The following NUBP1 variants were observed in gnomAD, a reference collection of about 807,000 sequenced individuals.
NUBP1 encodes the protein cytosolic Fe-S cluster assembly factor NUBP1.
NUBP1 carries 46 observed loss-of-function variants against 41.8 expected under a neutral mutation model. That is an observed-to-expected ratio of 1.10 (90% confidence interval 0.87 to 1.41). The LOEUF (loss-of-function observed/expected upper bound fraction) is 1.41, where lower values mean the gene tolerates loss of function less well. NUBP1 is among the 40% of genes most tolerant of loss of function. The pLI is 0.00. For missense variants in NUBP1, 494 were observed against 414.0 expected (o/e 1.19, Z -1.68); for synonymous variants, 189 against 154.6 (o/e 1.22, Z -1.65).
Position 10,749,850 on chromosome 16 carries a change from G to A in NUBP1, c.258+2574G>A, listed in dbSNP as rs1010254615. ...CTTGGATCAAGAGAGAGCAGAATTA[G>A]AAAACACCCCTGACGAGTCACAGGC... is the stretch of plus-strand genomic sequence containing the variant. On this transcript the variant is annotated intron_variant, in intron 3 of 10. Coordinates refer to ENST00000283027, the MANE Select transcript of NUBP1 (RefSeq NM_002484.4). The surrounding 1 kb of genome is among the most constrained non-coding windows in gnomAD (Gnocchi z 4.1). 6.6e-6 allele frequency among the ~76,000 whole-genome samples: 1 copy of A among 152,194 alleles called. No homozygotes were observed. The highest frequency in any genetic ancestry group is 2.4e-5 in the African/African-American group (1 of 41,440).
chr16:10,747,651 T>A (rs1381555131), intron 3 of NUBP1, among the ~76,000 whole-genome samples: 1 of 152,104 alleles, frequency 6.6e-6, no homozygotes, highest in Non-Finnish European at 1.5e-5. Context: ...AAAAAATGAT[T>A]CCTTATACTA....
At chr16:10,756,862 C>A in intron 6 of NUBP1, 82 bp downstream of exon 6, 1 of 1,072,164 alleles carries the variant, frequency 9.3e-7, no homozygotes, top group Non-Finnish European at 1.3e-6. Flanking sequence ...CCTGTCCTGC[C>A]AGTCTCAGCC....
In NUBP1 at chr16:10,755,710, T is replaced by C; in HGVS notation, c.328-11T>C. On this transcript the variant is annotated splice_polypyrimidine_tract_variant and intron_variant, in intron 4 of 10. Coordinates refer to ENST00000283027, the MANE Select transcript of NUBP1 (RefSeq NM_002484.4). ...TTCTACTAATGAACATCGGTGCTCA[T>C]GTTCACACAGGTTCACCAGAGTGGC... 6.2e-7 allele frequency: 1 copy of C among 1,614,114 alleles called. No individual in the cohort carries two copies. Among genetic ancestry groups the C allele is most frequent in the Non-Finnish European group, 8.5e-7 (1 of 1,179,934 alleles).
rs201743675 is a variant in NUBP1, at chr16:10,758,036, G to A, written c.606+9G>A. 2.5e-6 allele frequency: 4 copies of A among 1,610,830 alleles called. No homozygotes were observed. Among genetic ancestry groups the A allele is most frequent in the Non-Finnish European group, 3.4e-6 (4 of 1,177,606 alleles). ...TCATCACCACTCCCCAGGTGAGCGA[G>A]CTGCCAGCTGGAGCTGGGTCCAAAC... On this transcript the variant is annotated intron_variant, in intron 7 of 10. Transcript: ENST00000283027.
At chr16:10,747,611 G>T (rs1156494750) in intron 3 of NUBP1, among the ~76,000 whole-genome samples, 1 of 152,200 alleles carries the variant, frequency 6.6e-6, no homozygotes, top group Non-Finnish European at 1.5e-5. Flanking sequence ...CTCCAGCCTG[G>T]GTGGCAGAAT....
intron 2 of NUBP1, among the ~76,000 whole-genome samples, chr16:10,745,692 G>T (rs551314481): frequency 6.6e-6 from 1 of 152,338 alleles, no homozygotes; most frequent in Non-Finnish European, 1.5e-5. Flanking sequence ...CTCGTGGCAG[G>T]TAGTTACATT....
chr16:10,747,652 C>T (rs1900122405), intron 3 of NUBP1, among the ~76,000 whole-genome samples: 1 of 152,144 alleles, frequency 6.6e-6, no homozygotes, highest in Admixed American at 6.6e-5. Flanking sequence ...AAAAATGATT[C>T]CTTATACTAA....
chr16:10,757,226 AG>A lies in NUBP1; in HGVS notation c.451+448del, dbSNP rs1434520174. On this transcript the variant is annotated intron_variant, in intron 6 of 10. Coordinates refer to ENST00000283027, the MANE Select transcript of NUBP1 (RefSeq NM_002484.4). This position sits in a 1 kb window ranked among gnomAD's most constrained non-coding sequence, Gnocchi z 4.1. ...TGAGGCAGGAGAACCCAGGAGGCGGAGGTTGCAGTGAGCCAAGATCATGCCA... is the reference window on the plus strand; with the variant it reads ...TGAGGCAGGAGAACCCAGGAGGCGGAGTTGCAGTGAGCCAAGATCATGCCA... Among the ~76,000 whole-genome samples, 1 of 152,086 alleles carries A rather than the reference AG, an allele frequency of 6.6e-6. No homozygotes were observed. The highest frequency in any genetic ancestry group is 2.4e-5 in the African/African-American group (1 of 41,408).
At chr16:10,750,453 G>A (rs1345934737) in intron 3 of NUBP1, among the ~76,000 whole-genome samples, 1 of 152,122 alleles carries the variant, frequency 6.6e-6, no homozygotes, top group Non-Finnish European at 1.5e-5. Context: ...TGTTTGCCAG[G>A]CTAGTCTCGA....
rs1900243631 is a variant in NUBP1, at chr16:10,749,981, T to G, written c.259-2629T>G. Among the ~76,000 whole-genome samples the G allele has an allele frequency of 6.6e-6, 1 of 152,252 alleles. No homozygotes were observed. Among genetic ancestry groups the G allele is most frequent in the East Asian group, 1.9e-4 (1 of 5,174 alleles). On this transcript the variant is annotated intron_variant, in intron 3 of 10. Coordinates refer to ENST00000283027, the MANE Select transcript of NUBP1 (RefSeq NM_002484.4). The surrounding 1 kb of genome is among the most constrained non-coding windows in gnomAD (Gnocchi z 4.1). ...CATACACTGTCTTCCACTGCAAAAG[T>G]CACCGACTCCCAGCCTGGGCTTCAA...
Position 10,757,341 on chromosome 16 carries a change from T to C in NUBP1, c.452-532T>C, listed in dbSNP as rs1187416239. ...AATTATTTTTATCATGGTTTTATAG[T>C]GGCTTATTTGGGTCAGAGAGGTGAG... is the stretch of plus-strand genomic sequence containing the variant. On this transcript the variant is annotated intron_variant, in intron 6 of 10. Coordinates refer to ENST00000283027, the MANE Select transcript of NUBP1 (RefSeq NM_002484.4). The surrounding 1 kb of genome is among the most constrained non-coding windows in gnomAD (Gnocchi z 4.1). 2.0e-5 allele frequency among the ~76,000 whole-genome samples: 3 copies of C among 152,158 alleles called. No homozygotes were observed. The highest frequency in any genetic ancestry group is 4.4e-5 in the Non-Finnish European group (3 of 68,020).
intron 4 of NUBP1, 115 bp from the exon 5 acceptor site, chr16:10,755,606 C>G (rs1377168682): frequency 2.3e-5 from 26 of 1,114,118 alleles, no homozygotes; most frequent in Non-Finnish European, 4.0e-6. Flanking sequence ...CCATGTAAGA[C>G]AATGAATTAT....
At position 10,744,081 on chromosome 16, in the gene NUBP1, G is replaced by T. The variant is rs566033008; in HGVS notation, c.124+16G>T. The T allele has an allele frequency of 6.4e-7, 1 of 1,554,438 alleles. No homozygotes were observed. The highest frequency in any genetic ancestry group is 8.6e-7 in the Non-Finnish European group (1 of 1,157,188). The stretch of plus-strand genomic sequence containing the variant: ...CCGGACACGGGTGAGAAAAGGGCAA[G>T]GCCTCAACAGGAACTTAGAGGCGCA... On this transcript the variant is annotated intron_variant, in intron 2 of 10. Transcript: ENST00000283027.
chr16:10,745,343 C>T (rs1373122979), intron 2 of NUBP1, among the ~76,000 whole-genome samples: 4 of 151,976 alleles, frequency 2.6e-5, no homozygotes, highest in Non-Finnish European at 5.9e-5. Flanking sequence ...GGTGCATGCC[C>T]GCCCTCGAGG....
At chr16:10,761,921 G>A in intron 9 of NUBP1, 62 bp downstream of exon 9, 1 of 1,307,878 alleles carries the variant, frequency 7.6e-7, no homozygotes, top group Admixed American at 1.9e-5. Flanking sequence ...GCACGGGTCG[G>A]GCACAACAGG....
Position 10,767,993 on chromosome 16 carries a change from G to C in NUBP1, c.865G>C (p.Asp289His). ...KGQSFFIDAP[D>H]SPATLAYRSI... is the part of the protein sequence containing the mutation. ...CCAGTCTTTTTTCATTGACGCCCCA[G>C]ATTCCCCAGCCACGTTAGCCTACAG... is the stretch of plus-strand genomic sequence containing the variant. The change falls in exon 10 of 11, where the codon GAT (aspartate) becomes CAT (histidine). Residue 289 changes from aspartate (D) to histidine (H), a missense_variant. Asp to His is a moderately conservative substitution (Grantham distance 81). Coordinates refer to ENST00000283027, the MANE Select transcript of NUBP1 (RefSeq NM_002484.4). This position sits in a 1 kb window ranked among gnomAD's most constrained non-coding sequence, Gnocchi z 4.6. 6.2e-7 allele frequency: 1 copy of C among 1,614,102 alleles called. No homozygotes were observed. The highest frequency in any genetic ancestry group is 8.5e-7 in the Non-Finnish European group (1 of 1,180,026).
chr16:10,760,447 G>A (rs796551322), intron 7 of NUBP1, among the ~76,000 whole-genome samples: 19 of 152,230 alleles, frequency 1.2e-4, no homozygotes, highest in Admixed American at 2.6e-4. Flanking sequence ...ATGTAGATGC[G>A]TTAAAAGGTC....
chr16:10,752,905 T>A (rs1056568730), intron 4 of NUBP1, among the ~76,000 whole-genome samples: 2 of 152,148 alleles, frequency 1.3e-5, no homozygotes, highest in African/African-American at 4.8e-5. Flanking sequence ...AAGCGATTCT[T>A]GTGCTCAGCC....
In NUBP1 at chr16:10,759,516, G is replaced by A. The variant is rs538917132; in HGVS notation, c.606+1489G>A. 8.5e-5 allele frequency among the ~76,000 whole-genome samples: 13 copies of A among 152,242 alleles called. No homozygotes were observed. The highest frequency in any genetic ancestry group is 1.9e-4 in the Non-Finnish European group (13 of 68,040). ...GTGCTGGGCACACTGGCTCATGTCTGTAATCCCAGCACTTTGGGAGGCCGA... is the reference window on the plus strand; with the variant it reads ...GTGCTGGGCACACTGGCTCATGTCTATAATCCCAGCACTTTGGGAGGCCGA... On this transcript the variant is annotated intron_variant, in intron 7 of 10. Transcript: ENST00000283027. The surrounding 1 kb of genome is among the most constrained non-coding windows in gnomAD (Gnocchi z 4.7).
Sources: allele counts gnomAD v4.1 joint callset (sites outside exome capture counted in the v4.1 genomes callset), GRCh38; gene constraint gnomAD v4.1.1; non-coding constraint Gnocchi (gnomAD v3.1); transcripts MANE v1.5; gene names NCBI Gene and HGNC (gene_info 2026-07-23, HGNC 2026-07-21).